NRAP: variants seen among roughly 807,000 people sequenced by gnomAD.
NRAP encodes the protein nebulin related anchoring protein.
Under a neutral mutation model 225.9 loss-of-function variants are expected in NRAP, and 189 were observed. The observed-to-expected ratio is 0.84, with a 90% CI of 0.74 to 0.94. The LOEUF (loss-of-function observed/expected upper bound fraction) is 0.94. Ranked by LOEUF, NRAP falls within the 40% of genes least tolerant of loss-of-function variation. The pLI is 0.00. For missense variants in NRAP, 2,176 were observed against 2,168.7 expected, an observed-to-expected ratio of 1.00 and a Z score of -0.07; for synonymous variants, 769 against 790.7, an observed-to-expected ratio of 0.97 and a Z score of 0.46.
chr10:113,658,214 T>G (rs192367111), intron 3 of NRAP, among the ~76,000 whole-genome samples: 1 of 152,330 alleles, frequency 6.6e-6, no homozygotes, highest in East Asian at 1.9e-4. Flanking sequence ...GGTCTATTTC[T>G]CTCTTCTTGT....
At position 113,618,430 on chromosome 10, in the gene NRAP, T is replaced by C. The variant is rs1847793582; in HGVS notation, c.2875-877A>G. Among the ~76,000 whole-genome samples, 8 of 152,390 alleles carry C rather than the reference T, an allele frequency of 5.2e-5. 1 individual carries two copies. The South Asian group carries it at 1.7e-3, about 32-fold the overall frequency. On this transcript the variant is annotated intron_variant, in intron 25 of 41. Transcript: ENST00000359988. ...CTAAATCTAGCTCACCACCTGTTTC[T>C]GTAAATAAAGTTTTATTGGAACATG...
Position 113,662,636 on chromosome 10 carries a change from C to A in NRAP, c.255+43G>T, listed in dbSNP as rs764607901. The A allele has an allele frequency of 2.9e-6, 3 of 1,031,744 alleles. No homozygotes were observed. The South Asian group carries it at 3.8e-5, about 13-fold the overall frequency. The allele number at this position is 1,031,744 out of a possible 1,614,324, so 63.9% of individuals were successfully genotyped here. A position where few individuals can be genotyped will look rare whatever the true frequency, so the allele number is the denominator to read the frequency against. On this transcript the variant is annotated intron_variant, in intron 3 of 41. Transcript: ENST00000359988. ...TGCATGTTTCTACCCAGTAACCAAT[C>A]ATTCTCCATACCCTCCATCCCACTG...
Position 113,645,895 on chromosome 10 carries a change from T to C in NRAP, c.1040A>G (p.Tyr347Cys). 6.2e-7 allele frequency: 1 copy of C among 1,610,166 alleles called. No individual in the cohort carries two copies. The highest frequency in any genetic ancestry group is 1.1e-5 in the South Asian group (1 of 90,590). Residue 347 changes from tyrosine (Y) to cysteine (C), a missense_variant, in exon 11 of 42, where the codon TAT becomes TGT. Tyr to Cys is a radical substitution (Grantham distance 194). This residue lies in a region of NRAP where 1,708 missense variants were observed against 1,695.5 expected (regional missense o/e 1.01). Coordinates refer to ENST00000359988, the MANE Select transcript of NRAP (RefSeq NM_198060.4). Reference sequence around the variant, plus strand: ...GTTGTCTTGAGCTGGAAGCGAGTGATAATGTGCAGCGCCTTTCATCTTATT... The same window carrying C: ...GTTGTCTTGAGCTGGAAGCGAGTGACAATGTGCAGCGCCTTTCATCTTATT... ...DFNKMKGAAH[Y>C]HSLPAQDNLV...
intron 14 of NRAP, among the ~76,000 whole-genome samples, chr10:113,635,104 G>A (rs1297122271): frequency 6.6e-6 from 1 of 152,218 alleles, no homozygotes; most frequent in Non-Finnish European, 1.5e-5. Flanking sequence ...CAAGGACTAG[G>A]AATTTTCCCC....
intron 4 of NRAP, among the ~76,000 whole-genome samples, chr10:113,654,647 G>A (rs1411942870): frequency 1.3e-5 from 2 of 152,106 alleles, no homozygotes; most frequent in Non-Finnish European, 2.9e-5. Flanking sequence ...TGAGTGATAA[G>A]TACAATAAGA....
chr10:113,653,651 C>A (rs933045907), intron 5 of NRAP, among the ~76,000 whole-genome samples: 2 of 152,176 alleles, frequency 1.3e-5, no homozygotes, highest in Admixed American at 1.3e-4. Flanking sequence ...ACAGTCTGGG[C>A]TAAAACTGTC....
intron 31 of NRAP, 105 bp downstream of exon 31, chr10:113,610,354 T>TAAAAA (rs35334254): frequency 7.5e-6 from 3 of 397,730 alleles, no homozygotes; most frequent in Non-Finnish European, 8.8e-6. Context: ...CATCTCAAAT[T>TAAAAA]AAAAAAAAAA....
intron 14 of NRAP, among the ~76,000 whole-genome samples, chr10:113,635,073 C>G (rs1848790100): frequency 6.6e-6 from 1 of 152,344 alleles, no homozygotes; most frequent in Middle Eastern, 3.4e-3. Context: ...CATTGACTGC[C>G]TGGTTCCCAC....
Position 113,589,652 on chromosome 10 carries a change from A to C in NRAP, c.5088+14T>G. The C allele has an allele frequency of 6.2e-7, 1 of 1,609,108 alleles. No homozygotes were observed. Among genetic ancestry groups the C allele is most frequent in the Non-Finnish European group, 8.5e-7 (1 of 1,178,466 alleles). On this transcript the variant is annotated intron_variant, in intron 41 of 41. Transcript: ENST00000359988. Reference sequence around the variant, plus strand: ...CCTTGCAAGCCAGGGGTGGCTTTGCAGCTTGCTACTCACGTAAGCTCCCTG... The same window carrying C: ...CCTTGCAAGCCAGGGGTGGCTTTGCCGCTTGCTACTCACGTAAGCTCCCTG...
chr10:113,594,056 T>C (rs1255383715), intron 38 of NRAP, among the ~76,000 whole-genome samples: 2 of 152,234 alleles, frequency 1.3e-5, no homozygotes, highest in African/African-American at 2.4e-5. Flanking sequence ...GTTTTTGCCT[T>C]GCCACTGGGA....
chr10:113,663,441 C>T lies in NRAP; in HGVS notation c.78G>A (p.Trp26Ter). Residue 26 changes from tryptophan to a stop codon, truncating the protein, a stop_gained, in exon 2 of 42, where the codon TGG becomes TGA. Transcript: ENST00000359988. LOFTEE classifies it high-confidence loss of function. ...CTTCACAGTGAAAACAGGCTTTATG[C>T]CATATCTAGAAATCATATAGAGAAG... ...AEKISCIDQI[W>*]HKACFHCEVC... 3 of 1,590,098 alleles carry T rather than the reference C, an allele frequency of 1.9e-6. No individual in the cohort carries two copies. Among genetic ancestry groups the T allele is most frequent in the Non-Finnish European group, 2.6e-6 (3 of 1,158,238 alleles).
intron 14 of NRAP, among the ~76,000 whole-genome samples, chr10:113,638,643 C>T (rs1849017014): frequency 6.6e-6 from 1 of 152,172 alleles, no homozygotes; most frequent in South Asian, 2.1e-4. Flanking sequence ...CCAATTGCTG[C>T]CTTGCAGGAA....
chr10:113,604,925 A>G lies in NRAP; in HGVS notation c.3916-5T>C. 6.2e-7 allele frequency: 1 copy of G among 1,607,600 alleles called. No individual in the cohort carries two copies. The highest frequency in any genetic ancestry group is 1.3e-5 in the African/African-American group (1 of 74,850). Reference sequence around the variant, plus strand: ...AAAGTCATGTCTGTAGAGAAACTGCAAGAAAGGGCTGGCCGGTCAAATTCT... The same window carrying G: ...AAAGTCATGTCTGTAGAGAAACTGCGAGAAAGGGCTGGCCGGTCAAATTCT... On this transcript the variant is annotated splice_polypyrimidine_tract_variant and splice_region_variant and intron_variant, in intron 34 of 41. Transcript: ENST00000359988.
intron 9 of NRAP, among the ~76,000 whole-genome samples, 157 bp from the exon 10 acceptor site, chr10:113,647,184 T>C (rs1849567343): frequency 6.6e-6 from 1 of 152,154 alleles, no homozygotes; most frequent in South Asian, 2.1e-4. Flanking sequence ...CCTTTTAAGA[T>C]GGCAGACCCT....
chr10:113,630,305 A>G (rs768996320), intron 18 of NRAP, among the ~76,000 whole-genome samples: 70 of 152,312 alleles, frequency 4.6e-4, no homozygotes, highest in South Asian at 2.1e-4. Flanking sequence ...GACAATAACA[A>G]TGGTGGTTCG....
intron 11 of NRAP, among the ~76,000 whole-genome samples, chr10:113,644,147 CAAAAAA>C (rs60015356): frequency 1.0e-4 from 5 of 47,974 alleles, no homozygotes; most frequent in Admixed American, 4.0e-4. Context: ...AACTCCCTCT[CAAAAAA>C]AAAAAAAAAA....
intron 15 of NRAP, among the ~76,000 whole-genome samples, chr10:113,633,482 A>G (rs140230869): frequency 6.6e-6 from 1 of 152,210 alleles, no homozygotes; most frequent in Admixed American, 6.5e-5. Context: ...TTTTTAAAAA[A>G]CATTTGCTGC....
chr10:113,607,399 C>CAAA (rs543627940), intron 32 of NRAP, among the ~76,000 whole-genome samples: 17 of 68,602 alleles, frequency 2.5e-4, no homozygotes, highest in East Asian at 7.1e-4. Flanking sequence ...GAAACTCCGT[C>CAAA]AAAAAAAAAA....
In NRAP at chr10:113,628,917, C is replaced by A; in HGVS notation, c.2145G>T (p.Glu715Asp). The A allele has an allele frequency of 6.3e-7, 1 of 1,593,890 alleles. No homozygotes were observed. The highest frequency in any genetic ancestry group is 1.1e-5 in the South Asian group (1 of 88,146). ...QAKKAGQLVS[E>D]KNYRQRVDEL... is the part of the protein sequence containing the mutation. ...GGCCAGAGGCCCCAGTGCAGGTTAC[C>A]TCGCTGACCAGCTGTCCAGCCTTCT... Residue 715 changes from glutamate to aspartate, a missense_variant and splice_region_variant, in exon 20 of 42, where the codon GAG (glutamate) becomes GAT (aspartate). Transcript: ENST00000359988.
Sources: allele counts gnomAD v4.1 joint callset (sites outside exome capture counted in the v4.1 genomes callset), GRCh38; gene constraint gnomAD v4.1.1; regional missense constraint gnomAD v4.1.1; transcripts MANE v1.5; gene names NCBI Gene and HGNC (gene_info 2026-07-23, HGNC 2026-07-21).